The following CPNE8 variants were observed in gnomAD, a reference collection of about 807,000 sequenced individuals.
CPNE8 encodes the protein copine 8, also known as copine-8.
Under a neutral mutation model 81.5 loss-of-function variants are expected in CPNE8, and 45 were observed. That is an observed-to-expected ratio of 0.55 (90% CI 0.44 to 0.71). The LOEUF is 0.71. CPNE8 is among the 30% of genes least tolerant of loss of function. The probability of loss-of-function intolerance (pLI) is 0.00; values close to 1 mark genes in which losing one functional copy is unlikely to be tolerated. For missense variants in CPNE8, 594 were observed against 672.1 expected, an observed-to-expected ratio of 0.88 and a Z score of 1.28; for synonymous variants, 252 against 226.3, an observed-to-expected ratio of 1.11 and a Z score of -1.02.
chr12:38,725,651 TA>T (rs1292533519), intron 11 of CPNE8, among the ~76,000 whole-genome samples: 1 of 152,192 alleles, frequency 6.6e-6, no homozygotes, highest in African/African-American at 2.4e-5. Context: ...AACCACAATT[TA>T]TTAACTTAAA....
chr12:38,760,459 G>GTGTA (rs1941551918), intron 10 of CPNE8, among the ~76,000 whole-genome samples: 1 of 20,832 alleles, frequency 4.8e-5, no homozygotes, highest in Non-Finnish European at 1.0e-4. Context: ...ATATGTGTGT[G>GTGTA]TATATAGGCA....
intron 6 of CPNE8, among the ~76,000 whole-genome samples, chr12:38,777,443 T>C (rs1328073555): frequency 6.6e-6 from 1 of 152,178 alleles, no homozygotes; most frequent in Non-Finnish European, 1.5e-5. Flanking sequence ...TAAGTTAAGG[T>C]TAATTTATTA....
chr12:38,859,151 T>C (rs190998026), intron 3 of CPNE8, among the ~76,000 whole-genome samples: 1 of 151,448 alleles, frequency 6.6e-6, no homozygotes, highest in African/African-American at 2.4e-5. Flanking sequence ...ACAGAGGAAG[T>C]AAAATTATCT....
intron 6 of CPNE8, among the ~76,000 whole-genome samples, chr12:38,796,976 C>A (rs954608236): frequency 6.6e-6 from 1 of 152,110 alleles, no homozygotes; most frequent in Non-Finnish European, 1.5e-5. Context: ...AACTGCAAGG[C>A]GGCAGCAAGG....
rs117556816 is a variant in CPNE8 at position 38,818,092 on chromosome 12, G to A, written c.407+11287C>T. On this transcript the variant is annotated intron_variant, in intron 6 of 19. Transcript: ENST00000331366. ...GTCTAGCTCGTAATAGTGCTATGAAGGTTAGAGGAGTCAATAGATGCAAAG... is the reference window on the plus strand; with the variant it reads ...GTCTAGCTCGTAATAGTGCTATGAAAGTTAGAGGAGTCAATAGATGCAAAG... 7.0e-4 allele frequency among the ~76,000 whole-genome samples: 106 copies of A among 152,196 alleles called. 4 individuals are homozygous for A. The East Asian group carries it at 7.5e-3, about 11-fold the overall frequency.
intron 6 of CPNE8, among the ~76,000 whole-genome samples, chr12:38,819,793 C>T (rs965337156): frequency 5.6e-5 from 8 of 142,386 alleles, no homozygotes; most frequent in African/African-American, 2.1e-4. Flanking sequence ...AAAAAAAGAG[C>T]AGAGATAATT....
intron 6 of CPNE8, among the ~76,000 whole-genome samples, chr12:38,799,982 C>A (rs1942616630): frequency 6.8e-6 from 1 of 147,434 alleles, no homozygotes; most frequent in Admixed American, 6.8e-5. Context: ...GAGACTGTAT[C>A]CCACACCTGG....
Position 38,745,773 on chromosome 12 carries a change from G to C in CPNE8, c.722+15074C>G, listed in dbSNP as rs147948588. On this transcript the variant is annotated intron_variant, in intron 10 of 19. Coordinates refer to ENST00000331366, the MANE Select transcript of CPNE8 (RefSeq NM_153634.3). ...TTACCCAGGCTGGTCTCAAACTCCT[G>C]GGCTCAAGCAATTCTGCCTCAGCCT... Among the ~76,000 whole-genome samples, 33 of 152,266 alleles carry C rather than the reference G, an allele frequency of 2.2e-4. No individual in the cohort carries two copies. In the East Asian group the frequency reaches 5.8e-3, roughly 27 times the overall value.
At chr12:38,788,049 T>C (rs940143439) in intron 6 of CPNE8, among the ~76,000 whole-genome samples, 1 of 140,382 alleles carries the variant, frequency 7.1e-6, no homozygotes, top group Non-Finnish European at 1.5e-5. Flanking sequence ...GAAAAACTAA[T>C]ACCAATCTTA....
In CPNE8 at chr12:38,759,858, G is replaced by C. The variant is rs143445054; in HGVS notation, c.722+989C>G. On this transcript the variant is annotated intron_variant, in intron 10 of 19. Transcript: ENST00000331366. ...TGGCTCTGCAACTGAGCAACTTTCT[G>C]CCAATGCAGCAGAAGGGAAGAGAAG... Among the ~76,000 whole-genome samples, 202 of 152,294 alleles carry C rather than the reference G, an allele frequency of 1.3e-3. 5 individuals carry two copies. Among genetic ancestry groups the C allele is most frequent in the Admixed American group, 0.012 (185 of 15,306 alleles).
intron 6 of CPNE8, among the ~76,000 whole-genome samples, chr12:38,823,825 T>C (rs968163103): frequency 2.0e-5 from 3 of 152,168 alleles, no homozygotes; most frequent in African/African-American, 7.2e-5. Context: ...TCCCTAAAGA[T>C]AGAAGACATA....
At chr12:38,709,024 A>G (rs1940181727) in intron 13 of CPNE8, among the ~76,000 whole-genome samples, 1 of 152,226 alleles carries the variant, frequency 6.6e-6, no homozygotes, top group Non-Finnish European at 1.5e-5. Context: ...CACATCCACT[A>G]GCTGTTGGTA....
chr12:38,795,902 A>AGATAGAT (rs1942456343), intron 6 of CPNE8, among the ~76,000 whole-genome samples: 3 of 19,468 alleles, frequency 1.5e-4, no homozygotes, highest in African/African-American at 2.5e-4. Flanking sequence ...GATAGATAGA[A>AGATAGAT]GATAGATAAT....
intron 6 of CPNE8, among the ~76,000 whole-genome samples, chr12:38,815,950 C>T (rs954839728): frequency 8.5e-5 from 13 of 152,088 alleles, no homozygotes; most frequent in Non-Finnish European, 1.5e-4. Flanking sequence ...TAGCATATTC[C>T]TAGCTCTTAC....
At chr12:38,793,293 G>A (rs1336678116) in intron 6 of CPNE8, among the ~76,000 whole-genome samples, 1 of 150,612 alleles carries the variant, frequency 6.6e-6, no homozygotes, top group Non-Finnish European at 1.5e-5. Context: ...TCTGTTTACA[G>A]AAGAGCTCAT....
chr12:38,779,502 A>T (rs910510893), intron 6 of CPNE8, among the ~76,000 whole-genome samples: 2 of 152,174 alleles, frequency 1.3e-5, no homozygotes, highest in African/African-American at 4.8e-5. Context: ...GGTGGAGATG[A>T]GTGAAAGAGA....
At position 38,786,461 on chromosome 12, in the gene CPNE8, T is replaced by C; in HGVS notation, c.408-10160A>G. On this transcript the variant is annotated intron_variant, in intron 6 of 19. Coordinates refer to ENST00000331366, the MANE Select transcript of CPNE8 (RefSeq NM_153634.3). ...CGGCCTAACCTCCCAGCCTACATCTTTCTCTCCTGCTGGATACTTCTTGCC... is the reference window on the plus strand; with the variant it reads ...CGGCCTAACCTCCCAGCCTACATCTCTCTCTCCTGCTGGATACTTCTTGCC... Among the ~76,000 whole-genome samples the C allele has an allele frequency of 2.0e-5, 3 of 152,160 alleles. No individual in the cohort carries two copies. In the East Asian group the frequency reaches 5.8e-4, roughly 29 times the overall value.
intron 19 of CPNE8, among the ~76,000 whole-genome samples, chr12:38,665,738 TCCACAGCATAAACAAAC>T (rs1037796547): frequency 3.9e-5 from 6 of 152,174 alleles, no homozygotes; most frequent in Non-Finnish European, 7.3e-5. Flanking sequence ...CAATGGCCAA[TCCACAGCATAAACAAAC>T]AAATAGAAAG....
chr12:38,726,886 A>T (rs182205582), intron 11 of CPNE8, among the ~76,000 whole-genome samples: 12 of 152,330 alleles, frequency 7.9e-5, no homozygotes, highest in African/African-American at 2.9e-4. Context: ...GTTTTAAATT[A>T]CATAATTAAA....
Sources: allele counts gnomAD v4.1 joint callset (sites outside exome capture counted in the v4.1 genomes callset), GRCh38; gene constraint gnomAD v4.1.1; transcripts MANE v1.5; gene names NCBI Gene and HGNC (gene_info 2026-07-23, HGNC 2026-07-21).